Variants in SNPH observed in about 807,000 individuals in gnomAD.
SNPH encodes syntaphilin.
In SNPH, 10 loss-of-function variants were observed where a neutral mutation model predicts 36.8. The observed-to-expected ratio is 0.27, with a 90% CI of 0.17 to 0.46. The LOEUF (loss-of-function observed/expected upper bound fraction) is 0.46. Among genes scored for constraint, SNPH ranks in the 20% least tolerant of loss-of-function variants. The pLI is 1.00. For missense variants in SNPH, 622 were observed against 744.0 expected, an observed-to-expected ratio of 0.84 and a Z score of 1.91; for synonymous variants, 281 against 312.2, an observed-to-expected ratio of 0.90 and a Z score of 1.05.
chr20:1,299,938 CGT>C (rs1237917073), intron 5 of SNPH, among the ~76,000 whole-genome samples: 1 of 152,172 alleles, frequency 6.6e-6, no homozygotes, highest in Non-Finnish European at 1.5e-5. Flanking sequence ...TGTGCCTGCG[CGT>C]GTCTGCCCTC....
intron 2 of SNPH, among the ~76,000 whole-genome samples, chr20:1,270,288 G>A (rs2088057469): frequency 6.6e-6 from 1 of 152,090 alleles, no homozygotes. Context: ...ATCTAACAGA[G>A]GGAGACAGAC....
At chr20:1,279,144 G>A (rs1027215272) in intron 2 of SNPH, among the ~76,000 whole-genome samples, 1 of 152,184 alleles carries the variant, frequency 6.6e-6, no homozygotes, top group Non-Finnish European at 1.5e-5. Flanking sequence ...CTGCCCAAGT[G>A]TTTCCAAAGC....
intron 2 of SNPH, among the ~76,000 whole-genome samples, chr20:1,288,913 T>C (rs2088317085): frequency 6.6e-6 from 1 of 152,126 alleles, no homozygotes; most frequent in Admixed American, 6.5e-5. Flanking sequence ...TGAGCCACCG[T>C]GTCTGGCCAA....
chr20:1,287,045 C>T (rs919588081), intron 2 of SNPH, among the ~76,000 whole-genome samples: 17 of 152,130 alleles, frequency 1.1e-4, no homozygotes, highest in African/African-American at 3.9e-4. Context: ...ATCATCTTGC[C>T]CTGCAGCCAA....
chr20:1,290,452 C>T (rs1010815528), intron 2 of SNPH, among the ~76,000 whole-genome samples: 3 of 152,188 alleles, frequency 2.0e-5, no homozygotes, highest in East Asian at 3.8e-4. Context: ...TGCGGCCTTT[C>T]GTATCTGGCT....
intron 2 of SNPH, among the ~76,000 whole-genome samples, chr20:1,292,423 C>G (rs2088374163): frequency 1.3e-5 from 2 of 152,192 alleles, no homozygotes; most frequent in African/African-American, 4.8e-5. Context: ...GAGCTTTGCT[C>G]TGATTTTTAC....
intron 2 of SNPH, among the ~76,000 whole-genome samples, chr20:1,286,022 G>A (rs1390658056): frequency 4.0e-5 from 6 of 151,266 alleles, no homozygotes; most frequent in South Asian, 2.1e-4. Context: ...CCCTGGAGGC[G>A]GAGGTTGCAG....
At position 1,306,621 on chromosome 20, in the gene SNPH, C is replaced by G. The variant is rs1237830623; in HGVS notation, c.*567C>G. 1 of 152,564 alleles carries G rather than the reference C, an allele frequency of 6.6e-6. No individual in the cohort carries two copies. The highest frequency in any genetic ancestry group is 1.5e-5 in the Non-Finnish European group (1 of 68,290). The allele number at this position is 152,564 out of a possible 1,614,324, so 9.5% of individuals were successfully genotyped here. On this transcript the variant is annotated 3_prime_UTR_variant, in exon 7 of 7. Coordinates refer to ENST00000381867, the MANE Select transcript of SNPH (RefSeq NM_001318234.2). Reference sequence around the variant, plus strand: ...ACTGGGCCGGCCGGCATTCCAGCCTCCCCAGACTGCTGCCCACCTTGGGAC... The same window carrying G: ...ACTGGGCCGGCCGGCATTCCAGCCTGCCCAGACTGCTGCCCACCTTGGGAC...
chr20:1,300,755 T>G, intron 6 of SNPH, 44 bp downstream of exon 6: 2 of 1,568,402 alleles, frequency 1.3e-6, no homozygotes, highest in South Asian at 2.4e-5. Flanking sequence ...CCCCACCAGC[T>G]CCACACTCAG....
At chr20:1,268,651 A>G (rs747344253) in intron 2 of SNPH, among the ~76,000 whole-genome samples, 5 of 134,684 alleles carry the variant, frequency 3.7e-5, no homozygotes, top group Non-Finnish European at 6.1e-5. Context: ...CAGAGGCCCT[A>G]TCATTTTCCT....
chr20:1,289,512 TACACACACACACACACACACACACAC>T (rs56289024), intron 2 of SNPH, among the ~76,000 whole-genome samples: 2 of 137,648 alleles, frequency 1.5e-5, no homozygotes, highest in African/African-American at 2.8e-5. Flanking sequence ...TTCATTTAAA[TACACACACACACACACACACACACAC>T]ACACACACAC....
chr20:1,305,918 A>G lies in SNPH; in HGVS notation c.1481A>G (p.Gln494Arg), dbSNP rs2088571633. ...TGGCTTTGCCGCTCCCAGCGGCGCC[A>G]GGGCCAGCCCATCTACAACATCAGC... ...VAWLCRSQRR[Q>R]GQPIYNISSL... Residue 494 changes from glutamine (Q) to arginine (R), a missense_variant, in exon 7 of 7, where the codon CAG becomes CGG. By Grantham distance (43) the Gln-to-Arg change is conservative. Around this residue, in one of 3 missense-constraint regions of SNPH, gnomAD observed 379 missense variants for 427.9 expected, o/e 0.89. Transcript: ENST00000381867. The G allele has an allele frequency of 1.3e-6, 2 of 1,594,174 alleles. No homozygotes were observed. Among genetic ancestry groups the G allele is most frequent in the Non-Finnish European group, 1.7e-6 (2 of 1,170,734 alleles).
intron 2 of SNPH, among the ~76,000 whole-genome samples, chr20:1,284,267 C>A (rs1178259522): frequency 6.6e-6 from 1 of 152,088 alleles, no homozygotes; most frequent in South Asian, 2.1e-4. Flanking sequence ...AGCTTTCTTC[C>A]CCCCCTTTTG....
rs1277071351 is a variant in SNPH at position 1,296,200 on chromosome 20, C to T, written c.-40C>T. On this transcript the variant is annotated 5_prime_UTR_variant, in exon 4 of 7. Coordinates refer to ENST00000381867, the MANE Select transcript of SNPH (RefSeq NM_001318234.2). ...AGGCAGCCGTGGTCTGCCAGGCCCT[C>T]GCTCCTGGGGTGTCCTGCCGAAGGG... The T allele has an allele frequency of 6.9e-6, 10 of 1,458,114 alleles. No homozygotes were observed. Among genetic ancestry groups the T allele is most frequent in the African/African-American group, 1.5e-5 (1 of 68,510 alleles). 90.3% of individuals were successfully genotyped at this position (1,458,114 alleles called of 1,614,324 possible). A position where few individuals can be genotyped will look rare whatever the true frequency, so the allele number is the denominator to read the frequency against.
At position 1,307,383 on chromosome 20, in the gene SNPH, T is replaced by C. The variant is rs1173065749; in HGVS notation, c.*1329T>C. The C allele has an allele frequency of 6.6e-6, 1 of 152,212 alleles. No individual in the cohort carries two copies. The highest frequency in any genetic ancestry group is 1.5e-5 in the Non-Finnish European group (1 of 68,062). The allele number at this position is 152,212 out of a possible 1,614,324, so 9.4% of individuals were successfully genotyped here. A position where few individuals can be genotyped will look rare whatever the true frequency, so the allele number is the denominator to read the frequency against. On this transcript the variant is annotated 3_prime_UTR_variant, in exon 7 of 7. Transcript: ENST00000381867. ...TGGGAAGTTCACTGCCCCAACTCTT[T>C]TCCCGGGACCATACTGAGTCCCCCA...
chr20:1,270,018 A>C (rs999216682), intron 2 of SNPH, among the ~76,000 whole-genome samples: 1 of 152,228 alleles, frequency 6.6e-6, no homozygotes, highest in Non-Finnish European at 1.5e-5. Flanking sequence ...GGTTGCTTTT[A>C]GTCTGAGCCC....
In SNPH at chr20:1,307,094, G is replaced by A. The variant is rs2088588791; in HGVS notation, c.*1040G>A. 1 of 152,702 alleles carries A rather than the reference G, an allele frequency of 6.5e-6. No individual in the cohort carries two copies. The highest frequency in any genetic ancestry group is 1.5e-5 in the Non-Finnish European group (1 of 68,090). The allele number at this position is 152,702 out of a possible 1,614,324, so 9.5% of individuals were successfully genotyped here. A position where few individuals can be genotyped will look rare whatever the true frequency, so the allele number is the denominator to read the frequency against. ...TTCTGCTTTGCACTATGTTCACTTT[G>A]GGGTTGGTTCTCAGCCATCCAAGGG... On this transcript the variant is annotated 3_prime_UTR_variant, in exon 7 of 7. Coordinates refer to ENST00000381867, the MANE Select transcript of SNPH (RefSeq NM_001318234.2).
chr20:1,278,521 A>C (rs2088179904), intron 2 of SNPH, among the ~76,000 whole-genome samples: 1 of 152,062 alleles, frequency 6.6e-6, no homozygotes, highest in Non-Finnish European at 1.5e-5. Flanking sequence ...CTCCCCCTTC[A>C]TCCTCAGGCA....
At chr20:1,267,054 C>T (rs1479150494) in intron 2 of SNPH, among the ~76,000 whole-genome samples, 1 of 152,076 alleles carries the variant, frequency 6.6e-6, no homozygotes, top group East Asian at 1.9e-4. Context: ...TTTGTCTTCC[C>T]CTTCTGGCAT....
Sources: gnomAD v4.1 joint callset for allele counts (sites outside exome capture counted in the v4.1 genomes callset) on GRCh38, gnomAD v4.1.1 for gene constraint, gnomAD v4.1.1 regional missense constraint, MANE v1.5 for transcripts, NCBI Gene and HGNC (gene_info 2026-07-23, HGNC 2026-07-21) for gene names.